PARD3: variants seen among roughly 807,000 people sequenced by gnomAD.
PARD3 encodes par-3 family cell polarity regulator.
Under a neutral mutation model 155.4 loss-of-function variants are expected in PARD3, and 75 were observed. The ratio of observed to expected loss-of-function variants is 0.48; its 90% CI spans 0.40 to 0.58. The LOEUF (loss-of-function observed/expected upper bound fraction) is 0.58. Among genes scored for constraint, PARD3 ranks in the 20% least tolerant of loss-of-function variants. The pLI is 0.00. For missense variants in PARD3, 1,642 were observed against 1,721.7 expected, an observed-to-expected ratio of 0.95 and a Z score of 0.82; for synonymous variants, 576 against 610.5, an observed-to-expected ratio of 0.94 and a Z score of 0.83.
intron 22 of PARD3, among the ~76,000 whole-genome samples, chr10:34,187,679 G>A (rs374656670): frequency 7.2e-5 from 11 of 152,270 alleles, no homozygotes; most frequent in East Asian, 3.9e-4. Flanking sequence ...ATCTCCTCAC[G>A]TTTTACGGCT....
chr10:34,771,857 G>C (rs1037763510), intron 1 of PARD3, among the ~76,000 whole-genome samples: 2 of 152,218 alleles, frequency 1.3e-5, no homozygotes, highest in African/African-American at 4.8e-5. Flanking sequence ...GAGGAATACA[G>C]CAAGTTAAAA....
chr10:34,682,495 A>T (rs1387769825), intron 2 of PARD3, among the ~76,000 whole-genome samples: 4 of 152,224 alleles, frequency 2.6e-5, no homozygotes, highest in Non-Finnish European at 5.9e-5. Flanking sequence ...AGTGAAACTG[A>T]TTACCTACAG....
At chr10:34,556,650 G>A (rs1395169429) in intron 2 of PARD3, among the ~76,000 whole-genome samples, 2 of 152,110 alleles carry the variant, frequency 1.3e-5, no homozygotes, top group African/African-American at 2.4e-5. Flanking sequence ...CCAAAGTGCT[G>A]GGACTACAAG....
intron 1 of PARD3, among the ~76,000 whole-genome samples, chr10:34,716,441 C>G (rs2094520121): frequency 6.6e-6 from 1 of 152,146 alleles, no homozygotes; most frequent in South Asian, 2.1e-4. Flanking sequence ...GTGAAATGGA[C>G]TACCTCAAAC....
intron 2 of PARD3, among the ~76,000 whole-genome samples, chr10:34,618,077 A>G (rs2091388338): frequency 6.6e-6 from 1 of 152,180 alleles, no homozygotes; most frequent in Non-Finnish European, 1.5e-5. Context: ...CTAAACTATA[A>G]CCACAGGGCT....
intron 2 of PARD3, among the ~76,000 whole-genome samples, chr10:34,677,980 T>G (rs762278757): frequency 6.6e-6 from 1 of 152,138 alleles, no homozygotes; most frequent in Non-Finnish European, 1.5e-5. Context: ...ATCCACTATA[T>G]ATTGATTGTA....
At chr10:34,609,752 G>A (rs73267390) in intron 2 of PARD3, among the ~76,000 whole-genome samples, 7,196 of 152,124 alleles carry the variant, frequency 0.047, 527 homozygotes, top group African/African-American at 0.16. Flanking sequence ...TGTTGTGCAG[G>A]CTGGTCTCAA....
Position 34,814,865 on chromosome 10 carries a change from C to CCCCCCCCCCCCCAGG in PARD3, c.120+10_120+11insCCTGGGGGGGGGGGG. On this transcript the variant is annotated intron_variant, in intron 1 of 24. Coordinates refer to ENST00000374788, the MANE Select transcript of PARD3 (RefSeq NM_001184785.2). ...GCCGCCCCCTCCCCGCCCGCGCCCCCGGCCCCTCACCTTGGCGATGGCCTT... is the reference window on the plus strand; with the variant it reads ...GCCGCCCCCTCCCCGCCCGCGCCCCCCCCCCCCCCCCCAGGGGCCCCTCACCTTGGCGATGGCCTT... The CCCCCCCCCCCCCAGG allele has an allele frequency of 6.7e-7, 1 of 1,499,114 alleles. No individual in the cohort carries two copies. 92.9% of individuals were successfully genotyped at this position (1,499,114 alleles called of 1,614,324 possible).
At chr10:34,608,141 C>T (rs1441862960) in intron 2 of PARD3, among the ~76,000 whole-genome samples, 6 of 152,132 alleles carry the variant, frequency 3.9e-5, no homozygotes, top group African/African-American at 1.2e-4. Flanking sequence ...CAATGCTGCA[C>T]GGTCCCAGCA....
intron 2 of PARD3, among the ~76,000 whole-genome samples, chr10:34,685,504 G>A (rs1185807317): frequency 6.6e-6 from 1 of 152,082 alleles, no homozygotes; most frequent in Non-Finnish European, 1.5e-5. Context: ...CGGAAATTAA[G>A]CCACATGTGC....
In PARD3 at chr10:34,405,668, T is replaced by C. The variant is rs189456855; in HGVS notation, c.715-3751A>G. 2.0e-5 allele frequency among the ~76,000 whole-genome samples: 3 copies of C among 152,314 alleles called. No individual in the cohort carries two copies. In the East Asian group the frequency reaches 5.8e-4, roughly 29 times the overall value. ...TAGGATTTTTACAATACCTGAAAGC[T>C]ACACCTTCATCAATGCTGGCAGAAG... On this transcript the variant is annotated intron_variant, in intron 5 of 24. Coordinates refer to ENST00000374788, the MANE Select transcript of PARD3 (RefSeq NM_001184785.2).
intron 2 of PARD3, among the ~76,000 whole-genome samples, chr10:34,525,771 C>T (rs982713973): frequency 1.3e-5 from 2 of 151,572 alleles, no homozygotes; most frequent in Non-Finnish European, 2.9e-5. Context: ...CCTCTGTGCC[C>T]GGCCAAAATA....
rs1491326864 is a variant in PARD3 at position 34,355,958 on chromosome 10, C to CAAA, written c.2067+3186_2067+3188dup. Among the ~76,000 whole-genome samples, 199 of 116,078 alleles carry CAAA rather than the reference C, an allele frequency of 1.7e-3. 2 individuals carry two copies. Among genetic ancestry groups the CAAA allele is most frequent in the African/African-American group, 6.6e-3 (142 of 21,618 alleles). 76.2% of individuals were successfully genotyped at this position (116,078 alleles called of 152,430 possible). A position where few individuals can be genotyped will look rare whatever the true frequency, so the allele number is the denominator to read the frequency against. On this transcript the variant is annotated intron_variant, in intron 14 of 24. Coordinates refer to ENST00000374788, the MANE Select transcript of PARD3 (RefSeq NM_001184785.2). Reference sequence around the variant, plus strand: ...AAAAAAAAAAAAAACAAAACAAAACCAAACAAAAAAACAGACAACAGACCC... The same window carrying CAAA: ...AAAAAAAAAAAAAACAAAACAAAACCAAAAAACAAAAAAACAGACAACAGACCC...
At chr10:34,453,440 A>C (rs987827385) in intron 4 of PARD3, among the ~76,000 whole-genome samples, 4 of 152,114 alleles carry the variant, frequency 2.6e-5, no homozygotes, top group African/African-American at 9.7e-5. Flanking sequence ...CTTTAAACCC[A>C]AGCACTCAGC....
intron 20 of PARD3, among the ~76,000 whole-genome samples, chr10:34,292,476 G>C (rs780399485): frequency 2.0e-5 from 3 of 152,160 alleles, no homozygotes; most frequent in Admixed American, 6.6e-5. Context: ...AAGCATCTTG[G>C]TAATCAACAA....
chr10:34,406,806 A>C (rs1844524255), intron 5 of PARD3, among the ~76,000 whole-genome samples: 1 of 152,176 alleles, frequency 6.6e-6, no homozygotes, highest in African/African-American at 2.4e-5. Flanking sequence ...ACATGAAAAA[A>C]AAAAAATTGC....
At chr10:34,280,929 A>T (rs1956126426) in intron 21 of PARD3, among the ~76,000 whole-genome samples, 1 of 152,222 alleles carries the variant, frequency 6.6e-6, no homozygotes, top group South Asian at 2.1e-4. Flanking sequence ...GGTTTAAACA[A>T]GTGTTTCTCA....
chr10:34,644,586 A>G (rs1181618327), intron 2 of PARD3, among the ~76,000 whole-genome samples: 1 of 152,224 alleles, frequency 6.6e-6, no homozygotes, highest in Non-Finnish European at 1.5e-5. Flanking sequence ...GCTTATTTCA[A>G]GAACTAATCT....
At chr10:34,704,729 CAT>C (rs1349031267) in intron 1 of PARD3, among the ~76,000 whole-genome samples, 2 of 152,218 alleles carry the variant, frequency 1.3e-5, no homozygotes, top group Admixed American at 1.3e-4. Context: ...ATCATGTGCA[CAT>C]GTCACATTGA....
Sources: gnomAD v4.1 joint callset for allele counts (sites outside exome capture counted in the v4.1 genomes callset) on GRCh38, gnomAD v4.1.1 for gene constraint, MANE v1.5 for transcripts, NCBI Gene and HGNC (gene_info 2026-07-23, HGNC 2026-07-21) for gene names.